ATP2B2: variants seen among roughly 807,000 people sequenced by gnomAD.
ATP2B2 encodes ATPase plasma membrane Ca2+ transporting 2, also known as plasma membrane calcium-transporting ATPase 2.
In ATP2B2, 15 loss-of-function variants were observed where a neutral mutation model predicts 120.0. The observed-to-expected ratio is 0.12, with a 90% CI of 0.08 to 0.19. The LOEUF (loss-of-function observed/expected upper bound fraction) is 0.19, where lower values mean the gene tolerates loss of function less well. ATP2B2 is among the 10% of genes least tolerant of loss of function. ATP2B2 has a pLI of 1.00. For synonymous variants in ATP2B2, 694 were observed against 700.3 expected (o/e 0.99, Z 0.14); for missense variants, 1,045 against 1,719.8 (o/e 0.61, Z 6.94).
chr3:10,452,311 C>T (rs1483651142), intron 1 of ATP2B2, among the ~76,000 whole-genome samples: 3 of 152,168 alleles, frequency 2.0e-5, no homozygotes, highest in Non-Finnish European at 4.4e-5. Flanking sequence ...GGGCCGAATG[C>T]TCTCCTCCCC....
intron 19 of ATP2B2, among the ~76,000 whole-genome samples, chr3:10,341,333 G>C (rs912491546): frequency 1.3e-5 from 2 of 152,096 alleles, no homozygotes; most frequent in Non-Finnish European, 2.9e-5. Context: ...TTGTTTTTGA[G>C]ATGGAGTCTC....
intron 1 of ATP2B2, among the ~76,000 whole-genome samples, chr3:10,682,454 G>T (rs2071405816): frequency 6.6e-6 from 1 of 152,220 alleles, no homozygotes; most frequent in Admixed American, 6.5e-5. Flanking sequence ...CTGTGCCTCA[G>T]TTTCTTTGCT....
intron 3 of ATP2B2, among the ~76,000 whole-genome samples, chr3:10,517,501 C>T (rs1334818907): frequency 6.6e-6 from 1 of 152,206 alleles, no homozygotes; most frequent in Admixed American, 6.5e-5. Flanking sequence ...TTTCTCTCCC[C>T]TTCAGCCTAT....
chr3:10,644,243 C>T (rs1442183460), intron 1 of ATP2B2, among the ~76,000 whole-genome samples: 1 of 152,098 alleles, frequency 6.6e-6, no homozygotes, highest in African/African-American at 2.4e-5. Context: ...ACTAGAGTGG[C>T]TGTAATAAGT....
intron 5 of ATP2B2, among the ~76,000 whole-genome samples, chr3:10,392,502 C>A (rs1434657180): frequency 6.6e-6 from 1 of 152,196 alleles, no homozygotes; most frequent in Non-Finnish European, 1.5e-5. Flanking sequence ...AATGGCAGAG[C>A]AACAGACATC....
intron 1 of ATP2B2, among the ~76,000 whole-genome samples, chr3:10,463,920 G>C (rs955139153): frequency 2.6e-5 from 4 of 152,194 alleles, no homozygotes; most frequent in Admixed American, 1.3e-4. Flanking sequence ...GGTGGGGTGT[G>C]GGGGGGCACA....
At chr3:10,506,604 C>T (rs2066635484), upstream of ATP2B2, among the ~76,000 whole-genome samples, 1 of 152,160 alleles carries the variant, frequency 6.6e-6, no homozygotes, top group Admixed American at 6.5e-5. Flanking sequence ...AGGGGCTTCT[C>T]TAGAATTCTG....
chr3:10,344,378 G>C (rs921457544), intron 18 of ATP2B2, among the ~76,000 whole-genome samples: 1 of 152,224 alleles, frequency 6.6e-6, no homozygotes, highest in African/African-American at 2.4e-5. Context: ...CTGAGCAAAA[G>C]GAAGCCCCCA....
chr3:10,448,839 C>T (rs1267192859), intron 2 of ATP2B2, among the ~76,000 whole-genome samples: 3 of 152,226 alleles, frequency 2.0e-5, no homozygotes, highest in Non-Finnish European at 4.4e-5. Flanking sequence ...TGGTTCCACA[C>T]TCAAGCCCAC....
chr3:10,372,706 T>C (rs1478883971), intron 11 of ATP2B2, among the ~76,000 whole-genome samples: 3 of 152,212 alleles, frequency 2.0e-5, no homozygotes, highest in African/African-American at 7.2e-5. Flanking sequence ...CATCCAGAAC[T>C]AGGTACATCT....
intron 2 of ATP2B2, among the ~76,000 whole-genome samples, chr3:10,539,087 CAG>C (rs1350426691): frequency 6.6e-6 from 1 of 152,136 alleles, no homozygotes. Context: ...CAATAATAGA[CAG>C]AGAGCCAAAT....
chr3:10,572,051 T>G (rs1056026786), intron 2 of ATP2B2, among the ~76,000 whole-genome samples: 7 of 152,300 alleles, frequency 4.6e-5, no homozygotes, highest in Admixed American at 4.6e-4. Context: ...GAATCTAGAC[T>G]CTAAGAGGTA....
At chr3:10,480,344 G>A (rs983016146) in intron 1 of ATP2B2, among the ~76,000 whole-genome samples, 4 of 152,064 alleles carry the variant, frequency 2.6e-5, no homozygotes, top group Non-Finnish European at 5.9e-5. Context: ...CCAAATAGGC[G>A]CTCCATAAAT....
At chr3:10,426,948 T>C (rs1052855926) in intron 2 of ATP2B2, among the ~76,000 whole-genome samples, 8 of 151,576 alleles carry the variant, frequency 5.3e-5, no homozygotes, top group African/African-American at 1.9e-4. Context: ...TGAGAGAAGG[T>C]CCCTCGTGAA....
chr3:10,358,086 C>A (rs914252741), intron 14 of ATP2B2, among the ~76,000 whole-genome samples: 1 of 152,196 alleles, frequency 6.6e-6, no homozygotes, highest in Non-Finnish European at 1.5e-5. Context: ...TTCCCTTCTG[C>A]TGGAGAATGT....
At chr3:10,683,533 C>A (rs2071432580) in intron 1 of ATP2B2, among the ~76,000 whole-genome samples, 1 of 151,488 alleles carries the variant, frequency 6.6e-6, no homozygotes, top group Admixed American at 6.6e-5. Flanking sequence ...AAGCAGTCCC[C>A]AAGAGAGGCA....
At chr3:10,528,401 G>C (rs2067143663) in intron 3 of ATP2B2, among the ~76,000 whole-genome samples, 1 of 152,198 alleles carries the variant, frequency 6.6e-6, no homozygotes, top group African/African-American at 2.4e-5. Flanking sequence ...GGGTAACAGA[G>C]TCCCCCACCC....
At chr3:10,631,008 G>C (rs998597535) in intron 1 of ATP2B2, among the ~76,000 whole-genome samples, 8 of 152,224 alleles carry the variant, frequency 5.3e-5, no homozygotes, top group African/African-American at 1.9e-4. Context: ...ATGTGTTTCA[G>C]AATAGAAGGG....
intron 5 of ATP2B2, among the ~76,000 whole-genome samples, chr3:10,399,142 G>A (rs1188677522): frequency 2.6e-5 from 4 of 152,138 alleles, no homozygotes; most frequent in East Asian, 1.9e-4. Context: ...TGCCTGCCCC[G>A]GGCTTCCACA....
Sources: allele counts gnomAD v4.1 joint callset (sites outside exome capture counted in the v4.1 genomes callset), GRCh38; gene constraint gnomAD v4.1.1; transcripts MANE v1.5; gene names NCBI Gene and HGNC (gene_info 2026-07-23, HGNC 2026-07-21).